Variants in CCDC30 observed in about 807,000 individuals in gnomAD.
The protein encoded by CCDC30 is coiled-coil domain containing 30.
CCDC30 carries 70 observed loss-of-function variants against 100.2 expected under a neutral mutation model. The observed-to-expected ratio is 0.70, with a 90% CI of 0.58 to 0.85. CCDC30 has a LOEUF of 0.85. Among genes scored for constraint, CCDC30 ranks in the 40% least tolerant of loss-of-function variants. The pLI is 0.00. For synonymous variants in CCDC30, 233 were observed against 269.5 expected (o/e 0.86, Z 1.33); for missense variants, 652 against 771.2 (o/e 0.85, Z 1.83).
chr1:42,543,681 T>C lies in CCDC30; in HGVS notation c.457-22615T>C, dbSNP rs112386724. ...CCTTTGGCCATATTGCTCCCCATGC[T>C]TAAAATGTGCTATTTGTAGTCTCTT... On this transcript the variant is annotated intron_variant, in intron 6 of 16. Transcript: ENST00000668663. 6.1e-3 allele frequency among the ~76,000 whole-genome samples: 924 copies of C among 152,330 alleles called. 6 individuals carry two copies. Among genetic ancestry groups the C allele is most frequent in the African/African-American group, 0.021 (862 of 41,566 alleles).
At chr1:42,482,346 T>A (rs772226328) in intron 2 of CCDC30, among the ~76,000 whole-genome samples, 1 of 152,054 alleles carries the variant, frequency 6.6e-6, no homozygotes, top group Non-Finnish European at 1.5e-5. Context: ...ATTATGACTA[T>A]GTAAAAATGT....
intron 1 of CCDC30, among the ~76,000 whole-genome samples, chr1:42,473,722 A>G (rs1032205552): frequency 3.3e-5 from 5 of 152,216 alleles, no homozygotes; most frequent in Admixed American, 3.3e-4. Context: ...TTAATTGACA[A>G]TAAGAAATAT....
chr1:42,538,149 C>CGAAAAA (rs1557834963), intron 6 of CCDC30, among the ~76,000 whole-genome samples: 1 of 82,378 alleles, frequency 1.2e-5, no homozygotes, highest in African/African-American at 6.6e-5. Context: ...ACTGTCTCCA[C>CGAAAAA]AAAAAAAAAA....
the CCDC30 span, chr1:42,456,725 G>T: frequency 6.2e-7 from 1 of 1,609,694 alleles, no homozygotes; most frequent in Non-Finnish European, 8.5e-7. Context: ...AGCGCGGCCG[G>T]TGCGCTTCCT....
intron 11 of CCDC30, among the ~76,000 whole-genome samples, chr1:42,635,368 C>T (rs1647131665): frequency 6.6e-6 from 1 of 151,990 alleles, no homozygotes; most frequent in South Asian, 2.1e-4. Flanking sequence ...TTTGTTTATC[C>T]ACTCATCAGT....
At chr1:42,653,706 T>G (rs1405720264) in intron 16 of CCDC30, 112 bp from the exon 21 acceptor site, 1 of 740,224 alleles carries the variant, frequency 1.4e-6, no homozygotes, top group East Asian at 2.6e-5. Context: ...TATTTGGCTT[T>G]GTGTAACAGT....
At chr1:42,548,407 G>A (rs1466118015) in intron 6 of CCDC30, among the ~76,000 whole-genome samples, 1 of 152,178 alleles carries the variant, frequency 6.6e-6, no homozygotes, top group Non-Finnish European at 1.5e-5. Flanking sequence ...GAAAGACAAT[G>A]GGGTAAGAGA....
At chr1:42,634,064 C>T (rs965521997) in intron 11 of CCDC30, among the ~76,000 whole-genome samples, 1 of 152,018 alleles carries the variant, frequency 6.6e-6, no homozygotes, top group Non-Finnish European at 1.5e-5. Context: ...TCAATTACCT[C>T]CCACCAGGTA....
chr1:42,517,902 T>A (rs1333655760), intron 6 of CCDC30, among the ~76,000 whole-genome samples: 1 of 152,224 alleles, frequency 6.6e-6, no homozygotes, highest in Admixed American at 6.5e-5. Context: ...AATCAGAAAG[T>A]GTGAGTCCTC....
intron 1 of CCDC30, among the ~76,000 whole-genome samples, chr1:42,466,030 T>C (rs985173372): frequency 2.6e-5 from 4 of 152,260 alleles, no homozygotes; most frequent in Admixed American, 6.5e-5. Context: ...TTGAAAAAAG[T>C]ATACTAATTT....
intron 9 of CCDC30, among the ~76,000 whole-genome samples, chr1:42,589,029 C>T (rs541465665): frequency 2.6e-4 from 40 of 152,228 alleles, no homozygotes; most frequent in African/African-American, 8.9e-4. Context: ...ATTCAGGATT[C>T]GAGCCCTACC....
chr1:42,556,604 G>C (rs116141313), intron 6 of CCDC30, among the ~76,000 whole-genome samples, 199 bp downstream of exon 10: 1 of 151,940 alleles, frequency 6.6e-6, no homozygotes, highest in Non-Finnish European at 1.5e-5. Flanking sequence ...ATGGAGAATG[G>C]GGCATCCATC....
intron 6 of CCDC30, among the ~76,000 whole-genome samples, chr1:42,524,053 G>A (rs964956320): frequency 1.3e-5 from 2 of 149,924 alleles, no homozygotes; most frequent in African/African-American, 4.9e-5. Context: ...TCTTTGTGTA[G>A]TAGATCTGCC....
chr1:42,556,121 AT>A, intron 6 of CCDC30, 34 bp from the exon 10 acceptor site: 1 of 1,583,046 alleles, frequency 6.3e-7, no homozygotes, highest in Admixed American at 1.9e-5. Context: ...TATAATAAGC[AT>A]TTTGATAGAT....
chr1:42,568,791 GAGTT>G (rs1310458155), intron 7 of CCDC30, among the ~76,000 whole-genome samples: 8 of 145,076 alleles, frequency 5.5e-5, no homozygotes, highest in Non-Finnish European at 9.1e-5. Context: ...AAAAAAAAAA[GAGTT>G]AGCCGGGCAT....
At chr1:42,496,124 TG>T (rs1644228608) in intron 4 of CCDC30, among the ~76,000 whole-genome samples, 1 of 1,058 alleles carries the variant, frequency 9.5e-4, no homozygotes, top group Non-Finnish European at 0.016. Context: ...ATTTGTGGAG[TG>T]TGTGTGTGTG....
chr1:42,629,444 T>A (rs562862343), intron 11 of CCDC30, among the ~76,000 whole-genome samples: 1 of 152,178 alleles, frequency 6.6e-6, no homozygotes, highest in Non-Finnish European at 1.5e-5. Context: ...TCTTGCTGCT[T>A]TTAGTATCTT....
At chr1:42,571,627 A>G (rs890013536) in intron 7 of CCDC30, among the ~76,000 whole-genome samples, 1 of 152,230 alleles carries the variant, frequency 6.6e-6, no homozygotes, top group African/African-American at 2.4e-5. Context: ...TAAGCGTATT[A>G]CATTTTTTCC....
rs78178652 is a variant in CCDC30 at position 42,605,663 on chromosome 1, T to C, written c.1165-5315T>C. On this transcript the variant is annotated intron_variant, in intron 10 of 16. Coordinates refer to ENST00000668663, the Ensembl canonical transcript of CCDC30. ...CTGGCTATTTTATTATTATTATTAT[T>C]GCATGTAGAGACAGAGTTTCAATAT... is the stretch of plus-strand genomic sequence containing the variant. Among the ~76,000 whole-genome samples, 101 of 152,148 alleles carry C rather than the reference T, an allele frequency of 6.6e-4. 2 individuals are homozygous for C. In the East Asian group the frequency reaches 0.018, roughly 27 times the overall value.
Sources: gnomAD v4.1 joint callset for allele counts (sites outside exome capture counted in the v4.1 genomes callset) on GRCh38, gnomAD v4.1.1 for gene constraint, MANE v1.5 for transcripts, NCBI Gene and HGNC (gene_info 2026-07-23, HGNC 2026-07-21) for gene names.